NAALADL2: variants seen among roughly 807,000 people sequenced by gnomAD.
The protein encoded by NAALADL2 is N-acetylated alpha-linked acidic dipeptidase like 2, also known as inactive N-acetylated-alpha-linked acidic dipeptidase-like protein 2.
Under a neutral mutation model 87.2 loss-of-function variants are expected in NAALADL2, and 76 were observed. The observed-to-expected ratio is 0.87, with a 90% CI of 0.72 to 1.05. The LOEUF is 1.05. NAALADL2 is among the 50% of genes least tolerant of loss of function. NAALADL2 has a pLI of 0.00. For synonymous variants in NAALADL2, 354 were observed against 331.0 expected, an observed-to-expected ratio of 1.07 and a Z score of -0.75; for missense variants, 1,089 against 945.8, an observed-to-expected ratio of 1.15 and a Z score of -1.99.
At chr3:175,753,410 T>C (rs1019166955) in intron 12 of NAALADL2, among the ~76,000 whole-genome samples, 2 of 152,176 alleles carry the variant, frequency 1.3e-5, no homozygotes, top group Admixed American at 1.3e-4. Flanking sequence ...AAACATACTT[T>C]ATTGAACCTA....
chr3:174,912,223 A>G (rs1733795729), intron 1 of NAALADL2, among the ~76,000 whole-genome samples: 1 of 152,102 alleles, frequency 6.6e-6, no homozygotes, highest in Non-Finnish European at 1.5e-5. Context: ...GCAACAAGAT[A>G]TAGGTGTTTG....
chr3:174,656,444 A>G (rs1724935499), intron 2 of NAALADL2, among the ~76,000 whole-genome samples: 1 of 152,210 alleles, frequency 6.6e-6, no homozygotes, highest in African/African-American at 2.4e-5. Context: ...CCAGCAAGAT[A>G]TGATTTAATT....
intron 10 of NAALADL2, among the ~76,000 whole-genome samples, chr3:175,608,039 C>A (rs1724030339): frequency 1.3e-5 from 2 of 151,658 alleles, no homozygotes; most frequent in South Asian, 4.2e-4. Context: ...ATGTCAGTGA[C>A]AAAACCTGGA....
At chr3:175,511,720 G>A (rs1387115392) in intron 9 of NAALADL2, among the ~76,000 whole-genome samples, 1 of 152,174 alleles carries the variant, frequency 6.6e-6, no homozygotes, top group Non-Finnish European at 1.5e-5. Flanking sequence ...ACTTGCACCA[G>A]ATCACACAGA....
In NAALADL2 at chr3:174,829,759, A is replaced by G. The variant is rs1390256405; in HGVS notation, c.-9+92013A>G. Among the ~76,000 whole-genome samples, 418 of 141,776 alleles carry G rather than the reference A, an allele frequency of 2.9e-3. 10 individuals carry two copies. Among genetic ancestry groups the G allele is most frequent in the African/African-American group, 0.011 (395 of 37,378 alleles). The allele number at this position is 141,776 out of a possible 152,430, so 93.0% of individuals were successfully genotyped here. On this transcript the variant is annotated intron_variant, in intron 3 of 3. Coordinates refer to the NAALADL2 transcript ENST00000434257. ...AGTGTAGAAGTGTTCCTATTTCTCC[A>G]CATCCTCTCCAGCACCTGTTGTTTC... is the stretch of plus-strand genomic sequence containing the variant.
chr3:175,444,513 C>G (rs1313196629), intron 5 of NAALADL2, among the ~76,000 whole-genome samples: 1 of 152,172 alleles, frequency 6.6e-6, no homozygotes, highest in Non-Finnish European at 1.5e-5. Context: ...TAGCATTCTT[C>G]TACATAAATT....
chr3:175,047,498 T>G (rs1754829255), intron 1 of NAALADL2, among the ~76,000 whole-genome samples: 2 of 152,146 alleles, frequency 1.3e-5, no homozygotes, highest in African/African-American at 4.8e-5. Context: ...TTTCTGATAT[T>G]GAGAAATCAC....
At chr3:175,296,193 T>A (rs1581299746) in intron 4 of NAALADL2, among the ~76,000 whole-genome samples, 1 of 98,362 alleles carries the variant, frequency 1.0e-5, no homozygotes, top group Admixed American at 1.0e-4. Flanking sequence ...TGTAGGAGGA[T>A]TTTCAGTTGC....
chr3:175,723,689 T>A (rs6443316), intron 11 of NAALADL2, among the ~76,000 whole-genome samples: 3 of 151,920 alleles, frequency 2.0e-5, no homozygotes, highest in Admixed American at 6.6e-5. Context: ...CTCCTTTACA[T>A]GGAGCTTGTT....
intron 4 of NAALADL2, among the ~76,000 whole-genome samples, chr3:175,299,635 C>T (rs1405020992): frequency 1.3e-5 from 2 of 152,114 alleles, no homozygotes; most frequent in African/African-American, 4.8e-5. Context: ...GATTTTTGCA[C>T]ATTGATTTTG....
At chr3:174,868,455 G>A (rs144715429) in intron 1 of NAALADL2, among the ~76,000 whole-genome samples, 2 of 152,202 alleles carry the variant, frequency 1.3e-5, no homozygotes, top group African/African-American at 4.8e-5. Context: ...GTTTACACTT[G>A]ATAAATGTTT....
chr3:174,603,064 T>C (rs1718618658), intron 2 of NAALADL2, among the ~76,000 whole-genome samples: 1 of 152,068 alleles, frequency 6.6e-6, no homozygotes, highest in South Asian at 2.1e-4. Context: ...TATTGGCCTG[T>C]AGTTTTATAT....
At chr3:174,854,975 C>T (rs1296703654), upstream of NAALADL2, among the ~76,000 whole-genome samples, 1 of 151,324 alleles carries the variant, frequency 6.6e-6, no homozygotes, top group African/African-American at 2.4e-5. Context: ...GTAGCTGGGA[C>T]TACAGACTCC....
intron 2 of NAALADL2, among the ~76,000 whole-genome samples, chr3:174,559,112 G>T (rs1329146157): frequency 6.6e-6 from 1 of 151,988 alleles, no homozygotes; most frequent in African/African-American, 2.4e-5. Context: ...CCCTGGAAAG[G>T]GTGCTAAATC....
At chr3:175,605,751 AT>A (rs1409180452) in intron 10 of NAALADL2, among the ~76,000 whole-genome samples, 1 of 151,462 alleles carries the variant, frequency 6.6e-6, no homozygotes, top group African/African-American at 2.4e-5. Flanking sequence ...ACATTTAATT[AT>A]AATTTTACAG....
At chr3:174,623,593 G>T (rs893810875) in intron 2 of NAALADL2, among the ~76,000 whole-genome samples, 1 of 150,592 alleles carries the variant, frequency 6.6e-6, no homozygotes, top group Non-Finnish European at 1.5e-5. Context: ...TAAATGGTGC[G>T]TCTGTGAGAT....
In NAALADL2 at chr3:174,947,991, A is replaced by G. The variant is rs375195849; in HGVS notation, c.43+88541A>G. Among the ~76,000 whole-genome samples the G allele has an allele frequency of 8.9e-4, 135 of 152,216 alleles. 3 individuals are homozygous for G. In the South Asian group the frequency reaches 0.027, roughly 31 times the overall value. On this transcript the variant is annotated intron_variant, in intron 1 of 13. Transcript: ENST00000454872. ...TGAACTGCTATTTTTAACATTTTATATAATTATATTTAATTAGACATGTAA... is the reference window on the plus strand; with the variant it reads ...TGAACTGCTATTTTTAACATTTTATGTAATTATATTTAATTAGACATGTAA...
At chr3:174,664,632 G>A (rs1725802219) in intron 2 of NAALADL2, among the ~76,000 whole-genome samples, 1 of 152,144 alleles carries the variant, frequency 6.6e-6, no homozygotes, top group Non-Finnish European at 1.5e-5. Flanking sequence ...ATGTTGTAGT[G>A]GTTATCCAGT....
chr3:175,223,670 G>A (rs1389636731), intron 2 of NAALADL2, among the ~76,000 whole-genome samples: 2 of 152,114 alleles, frequency 1.3e-5, no homozygotes, highest in Admixed American at 6.6e-5. Flanking sequence ...ATAAAAATTT[G>A]AATCCAGTGT....
Sources: gnomAD v4.1 joint callset for allele counts (sites outside exome capture counted in the v4.1 genomes callset) on GRCh38, gnomAD v4.1.1 for gene constraint, MANE v1.5 for transcripts, NCBI Gene and HGNC (gene_info 2026-07-23, HGNC 2026-07-21) for gene names.